ICE1: variants seen among roughly 807,000 people sequenced by gnomAD.
ICE1 encodes the protein interactor of little elongation complex ELL subunit 1, also known as little elongation complex subunit 1.
A neutral mutation model predicts 192.7 loss-of-function variants in ICE1; 64 were observed. The observed-to-expected ratio is 0.33, with a 90% CI of 0.27 to 0.41. The LOEUF is 0.41. ICE1 is among the 10% of genes least tolerant of loss of function. The pLI, the probability that ICE1 is intolerant of heterozygous loss-of-function variation, is 1.00. For missense variants in ICE1, 2,708 were observed against 2,696.0 expected (o/e 1.00, Z -0.10); for synonymous variants, 1,010 against 984.5 (o/e 1.03, Z -0.49).
At chr5:5,468,526 A>G (rs541728151) in intron 14 of ICE1, among the ~76,000 whole-genome samples, 11 of 152,258 alleles carry the variant, frequency 7.2e-5, no homozygotes, top group Non-Finnish European at 1.5e-4. Context: ...CAATGAGTAA[A>G]TGTAATGCAT....
intron 2 of ICE1, among the ~76,000 whole-genome samples, chr5:5,436,857 G>A (rs538044841): frequency 6.6e-6 from 1 of 152,164 alleles, no homozygotes; most frequent in East Asian, 1.9e-4. Context: ...ATGAATGTAT[G>A]AGCCAAGATA....
At chr5:5,425,430 A>G (rs1737491744) in intron 1 of ICE1, among the ~76,000 whole-genome samples, 2 of 152,242 alleles carry the variant, frequency 1.3e-5, no homozygotes, top group South Asian at 2.1e-4. Flanking sequence ...AGAAATGAGT[A>G]TGCCTGTGTT....
At chr5:5,439,809 T>C (rs1737985095) in intron 3 of ICE1, 86 bp from the exon 4 acceptor site, 1 of 881,314 alleles carries the variant, frequency 1.1e-6, no homozygotes, top group Non-Finnish European at 1.7e-6. Flanking sequence ...TGAACACAAA[T>C]TATTAAAGAT....
Position 5,473,614 on chromosome 5 carries a change from A to G in ICE1, c.6279A>G (p.Leu2093=), listed in dbSNP as rs757371751. 2 of 1,613,730 alleles carry G rather than the reference A, an allele frequency of 1.2e-6. No individual in the cohort carries two copies. Reference sequence around the variant, plus strand: ...CTAAGCTGCTTTTGACCATACAGTTATGTCCAAAAACAGAATTTCAACCTA... The same window carrying G: ...CTAAGCTGCTTTTGACCATACAGTTGTGTCCAAAAACAGAATTTCAACCTA... ...MVSKLLLTIQ[L]CPKTEFQPSE... Residue 2093 remains leucine, a synonymous_variant, in exon 16 of 19, where the codon TTA becomes TTG. Coordinates refer to ENST00000296564, the MANE Select transcript of ICE1 (RefSeq NM_015325.3).
intron 6 of ICE1, 111 bp from the exon 7 acceptor site, chr5:5,444,178 C>A: frequency 1.4e-6 from 1 of 696,486 alleles, no homozygotes. Flanking sequence ...TCAGACTGAA[C>A]ATTTGTTATA....
At position 5,463,682 on chromosome 5, in the gene ICE1, A is replaced by G. The variant is rs779367898; in HGVS notation, c.4348A>G (p.Ile1450Val). The G allele has an allele frequency of 2.5e-6, 4 of 1,613,742 alleles. No homozygotes were observed. The highest frequency in any genetic ancestry group is 1.3e-5 in the African/African-American group (1 of 74,902). The part of the protein sequence containing the change: ...TLCDIPGDIP[I>V]SQDQGELEAG... ...GTGTGACATTCCTGGAGACATCCCT[A>G]TTTCTCAGGATCAAGGAGAGCTGGA... The change falls in exon 13 of 19, where the codon ATT becomes GTT. Residue 1450 changes from isoleucine to valine, a missense_variant. Physicochemically the swap from Ile to Val is conservative, Grantham distance 29. Coordinates refer to ENST00000296564, the MANE Select transcript of ICE1 (RefSeq NM_015325.3).
chr5:5,462,069 C>T lies in ICE1; in HGVS notation c.2735C>T (p.Thr912Ile). The part of the protein sequence containing the change: ...AKCDGERDDT[T>I]QNITEVAAVK... ...TGTGATGGGGAAAGAGATGATACAACACAAAACATCACGGAGGTGGCTGCT... is the reference window on the plus strand; with the variant it reads ...TGTGATGGGGAAAGAGATGATACAATACAAAACATCACGGAGGTGGCTGCT... Residue 912 changes from threonine to isoleucine, a missense_variant, in exon 13 of 19, where the codon ACA becomes ATA. Thr to Ile is a moderately conservative substitution (Grantham distance 89). Transcript: ENST00000296564. 2 of 1,613,952 alleles carry T rather than the reference C, an allele frequency of 1.2e-6. No individual in the cohort carries two copies. The highest frequency in any genetic ancestry group is 1.7e-6 in the Non-Finnish European group (2 of 1,179,886).
chr5:5,462,552 C>G lies in ICE1; in HGVS notation c.3218C>G (p.Ser1073Ter). The change falls in exon 13 of 19, where the codon TCA becomes TGA. Residue 1073 changes from serine (S) to a stop codon, truncating the protein, a stop_gained. Transcript: ENST00000296564. LOFTEE classifies it high-confidence loss of function. ...GGCACCACAGACACTACTTTTTCTT[C>G]AGCATTTTGCAGAAAACATGGAGAG... ...CFGTTDTTFS[S>*]AFCRKHGETQ... is the part of the protein sequence containing the mutation. The G allele has an allele frequency of 1.9e-6, 3 of 1,613,984 alleles. No homozygotes were observed. Among genetic ancestry groups the G allele is most frequent in the Non-Finnish European group, 2.5e-6 (3 of 1,179,886 alleles).
At chr5:5,428,099 A>G (rs1737579912) in intron 1 of ICE1, among the ~76,000 whole-genome samples, 1 of 152,110 alleles carries the variant, frequency 6.6e-6, no homozygotes, top group Non-Finnish European at 1.5e-5. Context: ...TTGACGATAG[A>G]TGAAGCACAG....
chr5:5,447,606 GC>G, intron 8 of ICE1, 97 bp downstream of exon 8: 2 of 1,352,204 alleles, frequency 1.5e-6, no homozygotes, highest in Non-Finnish European at 2.1e-6. Context: ...TCAACATGAG[GC>G]CCCCTGGCAA....
At chr5:5,432,316 T>C (rs1273445858) in intron 1 of ICE1, among the ~76,000 whole-genome samples, 1 of 152,260 alleles carries the variant, frequency 6.6e-6, no homozygotes, top group Non-Finnish European at 1.5e-5. Context: ...TTTTTTCACT[T>C]AGCATAATGT....
At chr5:5,436,081 C>G (rs952255604) in intron 1 of ICE1, among the ~76,000 whole-genome samples, 1 of 151,918 alleles carries the variant, frequency 6.6e-6, no homozygotes, top group African/African-American at 2.4e-5. Context: ...TTTGGGGTAG[C>G]CTTAAATCCT....
At position 5,461,404 on chromosome 5, in the gene ICE1, G is replaced by A. The variant is rs371495916; in HGVS notation, c.2070G>A (p.Pro690=). 2.2e-5 allele frequency: 36 copies of A among 1,613,844 alleles called. No individual in the cohort carries two copies. Among genetic ancestry groups the A allele is most frequent in the Admixed American group, 1.7e-4 (10 of 60,006 alleles). The stretch of plus-strand genomic sequence containing the variant: ...CATTACATCTGCAGTCTGAGCCACC[G>A]GAGTGTTCTATAGGAGGAAACAACT... The part of the protein sequence containing the change: ...LNTLHLQSEP[P]ECSIGGNNLE... The change falls in exon 13 of 19, where the codon CCG becomes CCA. Residue 690 remains proline, a synonymous_variant. Coordinates refer to ENST00000296564, the MANE Select transcript of ICE1 (RefSeq NM_015325.3).
At chr5:5,438,961 A>G (rs1263108241) in intron 3 of ICE1, among the ~76,000 whole-genome samples, 2 of 152,210 alleles carry the variant, frequency 1.3e-5, no homozygotes, top group East Asian at 1.9e-4. Context: ...TGCCGATGTC[A>G]CAGATTTAAC....
rs373703326 is a variant in ICE1 at position 5,460,468 on chromosome 5, C to T, written c.1134C>T (p.Ser378=). The T allele has an allele frequency of 1.9e-5, 31 of 1,600,214 alleles. No homozygotes were observed. Among genetic ancestry groups the T allele is most frequent in the African/African-American group, 1.2e-4 (9 of 74,176 alleles). Residue 378 remains serine (S), a synonymous_variant, in exon 13 of 19, where the codon AGC becomes AGT. Transcript: ENST00000296564. ...ACTTTGGAGAATACACAGATTCCAG[C>T]GATAATGACTCAGTCCAGCTTAGAA... is the stretch of plus-strand genomic sequence containing the variant. ...ETYFGEYTDS[S]DNDSVQLRNS... is the part of the protein sequence containing the mutation.
At position 5,461,437 on chromosome 5, in the gene ICE1, T is replaced by C; in HGVS notation, c.2103T>C (p.Asn701=). ...ECSIGGNNLE[N]SLCALSPELG... is the part of the protein sequence containing the mutation. The stretch of plus-strand genomic sequence containing the variant: ...CTATAGGAGGAAACAACTTGGAGAA[T>C]AGCTTGTGTGCCTTGAGCCCTGAAT... Residue 701 remains asparagine (N), a synonymous_variant, in exon 13 of 19, where the codon AAT becomes AAC. Transcript: ENST00000296564. The C allele has an allele frequency of 6.2e-7, 1 of 1,614,068 alleles. No individual in the cohort carries two copies. The highest frequency in any genetic ancestry group is 8.5e-7 in the Non-Finnish European group (1 of 1,179,894).
rs1445074380 is a variant in ICE1 at position 5,464,981 on chromosome 5, A to G, written c.5647A>G (p.Thr1883Ala). 1 of 1,613,862 alleles carries G rather than the reference A, an allele frequency of 6.2e-7. No homozygotes were observed. Among genetic ancestry groups the G allele is most frequent in the Non-Finnish European group, 8.5e-7 (1 of 1,179,812 alleles). Reference protein sequence around the residue: ...GNLPPAEVATTNEERSCSSPA... With the variant: ...GNLPPAEVATANEERSCSSPA... ...CCTCCCTCCAGCTGAAGTTGCAACA[A>G]CAAATGAGGAAAGAAGTTGTTCTAG... The change falls in exon 13 of 19, where the codon ACA becomes GCA. Residue 1883 changes from threonine (T) to alanine (A), a missense_variant. This residue lies in a region of ICE1 where 2,366 missense variants were observed against 2,276.6 expected (regional missense o/e 1.04). Transcript: ENST00000296564. The surrounding 1 kb of genome is among the most constrained non-coding windows in gnomAD (Gnocchi z 4.0).
chr5:5,489,141 C>T lies in ICE1; in HGVS notation c.6620-8C>T. 1 of 1,608,410 alleles carries T rather than the reference C, an allele frequency of 6.2e-7. No homozygotes were observed. Among genetic ancestry groups the T allele is most frequent in the South Asian group, 1.1e-5 (1 of 90,140 alleles). On this transcript the variant is annotated splice_polypyrimidine_tract_variant and splice_region_variant and intron_variant, in intron 18 of 18. Transcript: ENST00000296564. ...TTGTTTTATGACTGATCTGAAATTT[C>T]TTTTCAGATATACCATGGGGTATAC...
intron 11 of ICE1, 84 bp from the exon 12 acceptor site, chr5:5,457,248 A>G (rs939964845): frequency 7.6e-7 from 1 of 1,314,684 alleles, no homozygotes; most frequent in Non-Finnish European, 1.0e-6. Flanking sequence ...GAACTGTTGT[A>G]ATAAGGTTTC....
Sources: allele counts gnomAD v4.1 joint callset (sites outside exome capture counted in the v4.1 genomes callset), GRCh38; gene constraint gnomAD v4.1.1; regional missense constraint gnomAD v4.1.1; non-coding constraint Gnocchi (gnomAD v3.1); transcripts MANE v1.5; gene names NCBI Gene and HGNC (gene_info 2026-07-23, HGNC 2026-07-21).